MINAR1: variants seen among roughly 807,000 people sequenced by gnomAD.
MINAR1 encodes membrane integral NOTCH2 associated receptor 1.
Under a neutral mutation model 65.1 loss-of-function variants are expected in MINAR1, and 40 were observed. The observed-to-expected ratio is 0.61, with a 90% CI of 0.48 to 0.80. The LOEUF (loss-of-function observed/expected upper bound fraction) is 0.80. MINAR1 is among the 30% of genes least tolerant of loss of function. The pLI, the probability that MINAR1 is intolerant of heterozygous loss-of-function variation, is 0.00. For missense variants in MINAR1, 1,128 were observed against 1,148.0 expected (o/e 0.98, Z 0.25); for synonymous variants, 482 against 449.1 (o/e 1.07, Z -0.93).
upstream of MINAR1, chr15:79,427,477 T>C (rs919379458): frequency 6.6e-6 from 1 of 152,216 alleles, no homozygotes; most frequent in Admixed American, 6.5e-5. Flanking sequence ...ATTGGCAATC[T>C]GCTACTATCA....
upstream of MINAR1, among the ~76,000 whole-genome samples, chr15:79,430,014 C>T (rs1894401977): frequency 1.3e-5 from 2 of 152,138 alleles, no homozygotes; most frequent in Non-Finnish European, 2.9e-5. Flanking sequence ...GCTTCTGGGG[C>T]AGGCTTACAG....
intron 3 of MINAR1, chr15:79,463,697 C>T (rs761569086): frequency 6.3e-6 from 3 of 478,316 alleles, no homozygotes; most frequent in South Asian, 3.1e-5. Flanking sequence ...ATATGTAGCA[C>T]GTGGGATAAG....
rs2141315539 is a variant in MINAR1, at chr15:79,470,280, T to C, written c.*1896T>C. 1 of 152,730 alleles carries C rather than the reference T, an allele frequency of 6.5e-6. No homozygotes were observed. Among genetic ancestry groups the C allele is most frequent in the South Asian group, 2.1e-4 (1 of 4,826 alleles). The allele number at this position is 152,730 out of a possible 1,614,324, so 9.5% of individuals were successfully genotyped here. On this transcript the variant is annotated 3_prime_UTR_variant, in exon 4 of 4. Coordinates refer to ENST00000305428, the MANE Select transcript of MINAR1 (RefSeq NM_015206.3). Reference sequence around the variant, plus strand: ...GTTTCTTTCACCCCAAAGAGACTACTAGGTTACCACTCTGGGCATTGCCTT... The same window carrying C: ...GTTTCTTTCACCCCAAAGAGACTACCAGGTTACCACTCTGGGCATTGCCTT...
intron 1 of MINAR1, among the ~76,000 whole-genome samples, chr15:79,443,959 G>A (rs1416839877): frequency 2.6e-5 from 4 of 152,214 alleles, no homozygotes; most frequent in Non-Finnish European, 5.9e-5. Flanking sequence ...AATCCTTGGT[G>A]TTATATTAAA....
chr15:79,421,899 C>A, the MINAR1 span: 1 of 152,112 alleles, frequency 6.6e-6, no homozygotes, highest in Non-Finnish European at 1.5e-5. Context: ...GTGGTGGGAA[C>A]TTGCCTGAAG....
Position 79,457,509 on chromosome 15 carries a change from G to A in MINAR1, c.1362G>A (p.Lys454=). Residue 454 remains lysine (K), a synonymous_variant, in exon 2 of 4, where the codon AAG becomes AAA. Coordinates refer to ENST00000305428, the MANE Select transcript of MINAR1 (RefSeq NM_015206.3). ...VDLEKHEPVK[K]FKDKSINCTS... ...TGGAGAAGCATGAACCAGTCAAAAAGTTTAAAGACAAGAGCATTAACTGCA... is the reference window on the plus strand; with the variant it reads ...TGGAGAAGCATGAACCAGTCAAAAAATTTAAAGACAAGAGCATTAACTGCA... The A allele has an allele frequency of 6.2e-7, 1 of 1,614,192 alleles. No homozygotes were observed. Among genetic ancestry groups the A allele is most frequent in the Non-Finnish European group, 8.5e-7 (1 of 1,180,036 alleles).
At chr15:79,428,382 T>A, upstream of MINAR1, among the ~76,000 whole-genome samples, 1 of 87,642 alleles carries the variant, frequency 1.1e-5, no homozygotes, top group Admixed American at 1.4e-4. Flanking sequence ...TCCCCTTCCC[T>A]CCCTCCTCTC....
In MINAR1 at chr15:79,469,734, A is replaced by G. The variant is rs913646892; in HGVS notation, c.*1350A>G. On this transcript the variant is annotated 3_prime_UTR_variant, in exon 4 of 4. Transcript: ENST00000305428. ...TGGAACAGAAAGAATCCTTATCAGC[A>G]TCTGATTCCAATGTCTTGTTACAGG... 2.0e-5 allele frequency: 3 copies of G among 152,666 alleles called. No individual in the cohort carries two copies. 9.5% of individuals were successfully genotyped at this position (152,666 alleles called of 1,614,324 possible).
At chr15:79,442,111 C>G (rs1293343674) in intron 1 of MINAR1, among the ~76,000 whole-genome samples, 1 of 150,390 alleles carries the variant, frequency 6.6e-6, no homozygotes, top group Non-Finnish European at 1.5e-5. Context: ...TTTATCTATC[C>G]AAACCTATCA....
At chr15:79,437,716 G>A in intron 1 of MINAR1, among the ~76,000 whole-genome samples, 1 of 67,180 alleles carries the variant, frequency 1.5e-5, no homozygotes, top group Non-Finnish European at 3.4e-5. Flanking sequence ...GTGGGTGTGG[G>A]TGGGTAGTGA....
chr15:79,433,474 T>C (rs1894509902), intron 1 of MINAR1, among the ~76,000 whole-genome samples: 1 of 152,158 alleles, frequency 6.6e-6, no homozygotes, highest in Non-Finnish European at 1.5e-5. Context: ...CTATAAACAA[T>C]GTACATCTAT....
rs763268025 is a variant in MINAR1, at chr15:79,457,802, A to G, written c.1655A>G (p.His552Arg). 11 of 1,614,166 alleles carry G rather than the reference A, an allele frequency of 6.8e-6. No individual in the cohort carries two copies. Among genetic ancestry groups the G allele is most frequent in the Middle Eastern group, 3.3e-4 (2 of 6,062 alleles). ...AGCACAGGATCCTTGTCTCAGCTCC[A>G]TAAGTCAGACTGCGACAGTTCCCCT... ...YNSTGSLSQL[H>R]KSDCDSSPEH... Residue 552 changes from histidine to arginine, a missense_variant, in exon 2 of 4, where the codon CAT becomes CGT. By Grantham distance (29) the His-to-Arg change is conservative. Coordinates refer to ENST00000305428, the MANE Select transcript of MINAR1 (RefSeq NM_015206.3).
At chr15:79,450,568 C>T (rs376797290) in intron 1 of MINAR1, among the ~76,000 whole-genome samples, 21 of 151,676 alleles carry the variant, frequency 1.4e-4, no homozygotes, top group East Asian at 1.2e-3. Context: ...ATGAACCCCA[C>T]AGCCAATTTG....
At chr15:79,420,532 A>G in the MINAR1 span, 1 of 152,218 alleles carries the variant, frequency 6.6e-6, no homozygotes, top group Non-Finnish European at 1.5e-5. Context: ...TTATCTAGAA[A>G]TGACTGCAAG....
In MINAR1 at chr15:79,457,435, G is replaced by A. The variant is rs1396431842; in HGVS notation, c.1288G>A (p.Ala430Thr). 2.5e-6 allele frequency: 4 copies of A among 1,614,196 alleles called. No homozygotes were observed. The highest frequency in any genetic ancestry group is 3.4e-6 in the Non-Finnish European group (4 of 1,180,042). Residue 430 changes from alanine to threonine, a missense_variant, in exon 2 of 4, where the codon GCA (alanine) becomes ACA (threonine). Transcript: ENST00000305428. Reference sequence around the variant, plus strand: ...GCCAATTCTCCCCATTGCTTATGCGGCAAAACAAAATGGGCTCAAATCTAA... The same window carrying A: ...GCCAATTCTCCCCATTGCTTATGCGACAAAACAAAATGGGCTCAAATCTAA... ...QQPILPIAYA[A>T]KQNGLKSKEI...
chr15:79,430,689 C>T (rs910218097), upstream of MINAR1, among the ~76,000 whole-genome samples: 5 of 152,206 alleles, frequency 3.3e-5, no homozygotes, highest in Admixed American at 2.0e-4. Context: ...TCCTACTTTA[C>T]ATTTTCAAAT....
chr15:79,445,549 TA>T (rs1175572650), intron 1 of MINAR1, among the ~76,000 whole-genome samples: 3,153 of 68,560 alleles, frequency 0.046, 47 homozygotes, highest in Non-Finnish European at 0.059. Flanking sequence ...CTGTGACAGT[TA>T]TTTTTTTTTT....
At chr15:79,443,951 T>A (rs551671598) in intron 1 of MINAR1, among the ~76,000 whole-genome samples, 4 of 152,328 alleles carry the variant, frequency 2.6e-5, no homozygotes, top group South Asian at 4.1e-4. Context: ...TATTCAGCAA[T>A]CCTTGGTGTT....
chr15:79,447,156 G>A (rs1435308120), intron 1 of MINAR1, among the ~76,000 whole-genome samples: 1 of 152,136 alleles, frequency 6.6e-6, no homozygotes, highest in African/African-American at 2.4e-5. Context: ...CCAAAGCTCT[G>A]GGATTACAGG....
Sources: gnomAD v4.1 joint callset for allele counts (sites outside exome capture counted in the v4.1 genomes callset) on GRCh38, gnomAD v4.1.1 for gene constraint, MANE v1.5 for transcripts, NCBI Gene and HGNC (gene_info 2026-07-23, HGNC 2026-07-21) for gene names.